Variants in UBL3 observed in about 807,000 individuals in gnomAD.
UBL3 encodes the protein ubiquitin like 3.
A neutral mutation model predicts 18.4 loss-of-function variants in UBL3; 6 were observed. The ratio of observed to expected loss-of-function variants is 0.33; its 90% confidence interval spans 0.18 to 0.64. The LOEUF (loss-of-function observed/expected upper bound fraction) is 0.64, where lower values mean the gene tolerates loss of function less well. Among genes scored for constraint, UBL3 ranks in the 30% least tolerant of loss-of-function variants. UBL3 has a pLI of 0.76. For missense variants in UBL3, 109 were observed against 142.9 expected (o/e 0.76, Z 1.21); for synonymous variants, 49 against 46.6 (o/e 1.05, Z -0.21).
chr13:29,835,089 A>AAT (rs1163376473), intron 1 of UBL3, among the ~76,000 whole-genome samples: 11 of 74,234 alleles, frequency 1.5e-4, no homozygotes, highest in Admixed American at 3.9e-4. Context: ...TATAAATATA[A>AAT]ATATATATAT....
rs544085848 is a variant in UBL3 at position 29,765,630 on chromosome 13, T to A, written c.*1625A>T. ...CCAAAATGCACTATCATTTTTTTTT[T>A]ATTTAGTTTACAGGAAGAATCTGTA... On this transcript the variant is annotated 3_prime_UTR_variant, in exon 5 of 5. Coordinates refer to ENST00000380680, the MANE Select transcript of UBL3 (RefSeq NM_007106.4). 6.6e-5 allele frequency: 10 copies of A among 152,666 alleles called. No individual in the cohort carries two copies. Among genetic ancestry groups the A allele is most frequent in the African/African-American group, 2.2e-4 (9 of 41,580 alleles). The allele number at this position is 152,666 out of a possible 1,614,324, so 9.5% of individuals were successfully genotyped here. A position where few individuals can be genotyped will look rare whatever the true frequency, so the allele number is the denominator to read the frequency against.
chr13:29,797,210 CTG>C (rs1208904398), intron 1 of UBL3, among the ~76,000 whole-genome samples: 1 of 152,014 alleles, frequency 6.6e-6, no homozygotes, highest in Non-Finnish European at 1.5e-5. Context: ...CCCAATGAAA[CTG>C]TACATTTCTT....
rs372822784 is a variant in UBL3, at chr13:29,800,991, T to C, written c.28-23728A>G. Among the ~76,000 whole-genome samples the C allele has an allele frequency of 1.9e-3, 288 of 152,072 alleles. 1 individual carries two copies. The highest frequency in any genetic ancestry group is 6.6e-3 in the African/African-American group (273 of 41,514). Reference sequence around the variant, plus strand: ...TTTTCACCTCCGGGTAGGGACAGGGTGCCTCTCAACCTGGACCCCCAGCAC... The same window carrying C: ...TTTTCACCTCCGGGTAGGGACAGGGCGCCTCTCAACCTGGACCCCCAGCAC... On this transcript the variant is annotated intron_variant, in intron 1 of 4. Transcript: ENST00000380680.
At chr13:29,827,824 T>C (rs985750360) in intron 1 of UBL3, among the ~76,000 whole-genome samples, 1 of 152,240 alleles carries the variant, frequency 6.6e-6, no homozygotes, top group African/African-American at 2.4e-5. Flanking sequence ...GTACCTGTTG[T>C]TGCTTTCCAT....
chr13:29,771,382 A>G (rs536688742), intron 3 of UBL3, among the ~76,000 whole-genome samples: 42 of 152,194 alleles, frequency 2.8e-4, no homozygotes, highest in African/African-American at 9.6e-4. Context: ...ATTGAGCTAC[A>G]TTTCTCCAAT....
At chr13:29,824,170 A>T (rs75631241) in intron 1 of UBL3, among the ~76,000 whole-genome samples, 6,909 of 152,214 alleles carry the variant, frequency 0.045, 224 homozygotes, top group Middle Eastern at 0.092. Flanking sequence ...ATGAACATAC[A>T]TGTGCATGTG....
intron 1 of UBL3, among the ~76,000 whole-genome samples, chr13:29,807,947 A>T (rs1877938745): frequency 6.6e-6 from 1 of 152,180 alleles, no homozygotes; most frequent in Non-Finnish European, 1.5e-5. Context: ...GGTTAAACGT[A>T]TTACAATAGT....
chr13:29,832,337 T>C (rs959614714), intron 1 of UBL3, among the ~76,000 whole-genome samples: 6 of 151,342 alleles, frequency 4.0e-5, no homozygotes, highest in Non-Finnish European at 7.4e-5. Context: ...TAATTTCTTT[T>C]TTTTTTTTTT....
At chr13:29,814,041 G>A (rs1878190684) in intron 1 of UBL3, among the ~76,000 whole-genome samples, 1 of 152,100 alleles carries the variant, frequency 6.6e-6, no homozygotes, top group Non-Finnish European at 1.5e-5. Flanking sequence ...CGCTTCTTCA[G>A]CTTATTCAAG....
Position 29,849,716 on chromosome 13 carries a change from A to C in UBL3, c.-178T>G. 1 of 760,940 alleles carries C rather than the reference A, an allele frequency of 1.3e-6. No homozygotes were observed. The highest frequency in any genetic ancestry group is 2.1e-6 in the Non-Finnish European group (1 of 465,130). 47.1% of individuals were successfully genotyped at this position (760,940 alleles called of 1,614,324 possible). The stretch of plus-strand genomic sequence containing the variant: ...CGGTCAGGCCGAGGTTCTGGTTCGA[A>C]GAGGAACAATCCCCAGGAGCTGTGT... On this transcript the variant is annotated 5_prime_UTR_variant, in exon 1 of 5. Transcript: ENST00000380680.
At chr13:29,780,587 C>T (rs1182655746) in intron 1 of UBL3, among the ~76,000 whole-genome samples, 2 of 151,568 alleles carry the variant, frequency 1.3e-5, no homozygotes, top group South Asian at 2.1e-4. Context: ...ATTCAAGTTT[C>T]GTTATAAATT....
intron 1 of UBL3, among the ~76,000 whole-genome samples, chr13:29,799,903 C>T (rs1382773721): frequency 1.3e-5 from 2 of 149,708 alleles, no homozygotes; most frequent in African/African-American, 4.9e-5. Context: ...AAAATAAGTC[C>T]AAGTATCAAA....
chr13:29,777,753 C>T (rs530533039), intron 1 of UBL3, among the ~76,000 whole-genome samples: 50 of 151,924 alleles, frequency 3.3e-4, no homozygotes, highest in African/African-American at 1.0e-3. Flanking sequence ...AAAACCTAGA[C>T]GAATTAACAA....
At chr13:29,775,032 T>C (rs192022567) in intron 2 of UBL3, among the ~76,000 whole-genome samples, 84 of 152,314 alleles carry the variant, frequency 5.5e-4, no homozygotes. Context: ...CAATTTGTTA[T>C]ACTGTATAAA....
intron 1 of UBL3, among the ~76,000 whole-genome samples, chr13:29,812,535 G>A (rs1391345859): frequency 6.6e-6 from 1 of 151,782 alleles, no homozygotes; most frequent in East Asian, 1.9e-4. Flanking sequence ...GTACTCCTAG[G>A]TAAGATTTTT....
chr13:29,836,409 G>A (rs1878964827), intron 1 of UBL3, among the ~76,000 whole-genome samples: 1 of 151,654 alleles, frequency 6.6e-6, no homozygotes, highest in South Asian at 2.1e-4. Context: ...AAAAGAAAAG[G>A]CAATTAGGCT....
intron 1 of UBL3, among the ~76,000 whole-genome samples, chr13:29,777,816 G>C (rs1379500503): frequency 6.6e-6 from 1 of 152,094 alleles, no homozygotes; most frequent in East Asian, 1.9e-4. Flanking sequence ...ACCCAGGCTG[G>C]AGTGTAGTGG....
chr13:29,817,115 C>T (rs1878302302), intron 1 of UBL3, among the ~76,000 whole-genome samples: 1 of 152,164 alleles, frequency 6.6e-6, no homozygotes, highest in Non-Finnish European at 1.5e-5. Context: ...GTGCTAAATA[C>T]TAAACCACCT....
chr13:29,823,753 G>A (rs928649493), intron 1 of UBL3, among the ~76,000 whole-genome samples: 8 of 151,822 alleles, frequency 5.3e-5, no homozygotes, highest in African/African-American at 1.7e-4. Context: ...GGGTACATGC[G>A]CACAATGTGC....
Sources: gnomAD v4.1 joint callset for allele counts (sites outside exome capture counted in the v4.1 genomes callset) on GRCh38, gnomAD v4.1.1 for gene constraint, MANE v1.5 for transcripts, NCBI Gene and HGNC (gene_info 2026-07-23, HGNC 2026-07-21) for gene names.